The following TENM4 variants were observed in gnomAD, a reference collection of about 807,000 sequenced individuals.
TENM4 encodes teneurin-4.
Under a neutral mutation model 243.3 loss-of-function variants are expected in TENM4, and 82 were observed. The ratio of observed to expected loss-of-function variants is 0.34; its 90% confidence interval spans 0.28 to 0.40. The LOEUF (loss-of-function observed/expected upper bound fraction) is 0.40, where lower values mean the gene tolerates loss of function less well. Ranked by LOEUF, TENM4 falls within the 10% of genes least tolerant of loss-of-function variation. TENM4 has a pLI of 1.00. For synonymous variants in TENM4, 1,412 were observed against 1,456.3 expected, an observed-to-expected ratio of 0.97 and a Z score of 0.69; for missense variants, 3,138 against 3,673.3, an observed-to-expected ratio of 0.85 and a Z score of 3.77.
At position 79,301,289 on chromosome 11, in the gene TENM4, G is replaced by A. The variant is rs75958967; in HGVS notation, c.-320-3746C>T. Among the ~76,000 whole-genome samples, 1,250 of 152,118 alleles carry A rather than the reference G, an allele frequency of 8.2e-3. 20 individuals carry two copies. Among genetic ancestry groups the A allele is most frequent in the African/African-American group, 0.029 (1,194 of 41,482 alleles). ...CCAGAACCTGGCTTCTGTACTGCTC[G>A]GGTATTGCAGATACATCCATCTGCC... On this transcript the variant is annotated intron_variant, in intron 1 of 33. Transcript: ENST00000278550.
rs552650383 is a variant in TENM4 at position 79,342,288 on chromosome 11, T to A, written c.-320-44745A>T. ...TGTGATTGTCAAAGGTAGGTGTGAC[T>A]GCATGGACCGCGATGAGATGAGGAG... On this transcript the variant is annotated intron_variant, in intron 1 of 33. Coordinates refer to ENST00000278550, the MANE Select transcript of TENM4 (RefSeq NM_001098816.3). Among the ~76,000 whole-genome samples, 11 of 152,232 alleles carry A rather than the reference T, an allele frequency of 7.2e-5. No individual in the cohort carries two copies. In the East Asian group the frequency reaches 1.5e-3, roughly 21 times the overall value.
At chr11:79,287,594 C>G (rs1856279136) in intron 2 of TENM4, among the ~76,000 whole-genome samples, 1 of 152,106 alleles carries the variant, frequency 6.6e-6, no homozygotes. Context: ...TATTATACTC[C>G]TGGTTCCCCA....
intron 1 of TENM4, among the ~76,000 whole-genome samples, chr11:79,405,083 A>G (rs1308476763): frequency 6.6e-6 from 1 of 152,142 alleles, no homozygotes. Context: ...TCAGAATTAC[A>G]TTTTTTACAG....
At chr11:79,331,822 G>A (rs900436951) in intron 1 of TENM4, among the ~76,000 whole-genome samples, 1 of 152,328 alleles carries the variant, frequency 6.6e-6, no homozygotes, top group East Asian at 1.9e-4. Flanking sequence ...TTCAGGTGGA[G>A]GCTCCAGACA....
intron 4 of TENM4, among the ~76,000 whole-genome samples, chr11:79,147,485 C>T (rs1488528442): frequency 6.6e-6 from 1 of 152,064 alleles, no homozygotes; most frequent in Non-Finnish European, 1.5e-5. Flanking sequence ...GTTTTAACCT[C>T]ATGAATTTTC....
At chr11:79,393,952 G>A (rs1294329381) in intron 1 of TENM4, among the ~76,000 whole-genome samples, 1 of 152,134 alleles carries the variant, frequency 6.6e-6, no homozygotes, top group Non-Finnish European at 1.5e-5. Flanking sequence ...TGACACTGAA[G>A]GAGGGAGGGG....
At chr11:79,416,410 C>T (rs1018203775) in intron 1 of TENM4, among the ~76,000 whole-genome samples, 5 of 152,276 alleles carry the variant, frequency 3.3e-5, no homozygotes, top group South Asian at 4.1e-4. Flanking sequence ...TTTAGACATT[C>T]GAGTGGGTTT....
intron 32 of TENM4, among the ~76,000 whole-genome samples, chr11:78,663,303 C>T (rs1858075708): frequency 6.6e-6 from 1 of 152,200 alleles, no homozygotes; most frequent in Admixed American, 6.5e-5. Flanking sequence ...AGATAGAACC[C>T]TGATCGCAGA....
At chr11:78,670,932 G>A (rs565376316) in intron 31 of TENM4, among the ~76,000 whole-genome samples, 44 of 152,276 alleles carry the variant, frequency 2.9e-4, no homozygotes, top group African/African-American at 9.9e-4. Context: ...GTGTGAGAAC[G>A]GCCAAGAAGC....
intron 4 of TENM4, among the ~76,000 whole-genome samples, chr11:79,131,516 A>G (rs535934477): frequency 2.0e-4 from 31 of 152,356 alleles, no homozygotes; most frequent in South Asian, 8.3e-4. Flanking sequence ...CACTACAAGA[A>G]CTACTAAAGG....
intron 22 of TENM4, among the ~76,000 whole-genome samples, chr11:78,726,783 C>T (rs905342831): frequency 3.9e-5 from 6 of 152,274 alleles, no homozygotes; most frequent in African/African-American, 1.4e-4. Context: ...TGTCATGAGT[C>T]AAAGCTCCCT....
At chr11:78,994,568 C>G (rs1858125297) in intron 6 of TENM4, among the ~76,000 whole-genome samples, 1 of 152,290 alleles carries the variant, frequency 6.6e-6, no homozygotes, top group South Asian at 2.1e-4. Flanking sequence ...TGCCTTTTAT[C>G]TAAAATCAGA....
At chr11:79,137,052 C>T (rs899448646) in intron 4 of TENM4, among the ~76,000 whole-genome samples, 5 of 152,090 alleles carry the variant, frequency 3.3e-5, no homozygotes, top group African/African-American at 1.2e-4. Flanking sequence ...GTGGAAGTGG[C>T]ACCACTCACC....
intron 1 of TENM4, among the ~76,000 whole-genome samples, chr11:79,298,685 A>G (rs576673766): frequency 4.3e-4 from 65 of 152,256 alleles, no homozygotes; most frequent in Non-Finnish European, 7.2e-4. Flanking sequence ...ATATCTACAG[A>G]TATGATTTCA....
intron 28 of TENM4, among the ~76,000 whole-genome samples, chr11:78,695,772 CT>C (rs57847507): frequency 0.42 from 60,544 of 142,686 alleles, 15,428 homozygotes; most frequent in African/African-American, 0.74. Context: ...TTATAAAATG[CT>C]TTTTTTTTTT....
rs1316406058 is a variant in TENM4 at position 78,674,993 on chromosome 11, G to A, written c.5496+1159C>T. ...CAATTATCCTGCCTCAGCCTCCTGA[G>A]TAGCTAGGATTACTGGTGTCCCCCA... On this transcript the variant is annotated intron_variant, in intron 30 of 33. Transcript: ENST00000278550. Among the ~76,000 whole-genome samples, 4 of 152,108 alleles carry A rather than the reference G, an allele frequency of 2.6e-5. No homozygotes were observed. The East Asian group carries it at 7.7e-4, about 29-fold the overall frequency.
At chr11:79,223,954 G>T (rs754475503) in intron 2 of TENM4, among the ~76,000 whole-genome samples, 35 of 152,202 alleles carry the variant, frequency 2.3e-4, no homozygotes, top group Non-Finnish European at 4.4e-4. Flanking sequence ...ACTGTGGTGT[G>T]AGTTGTGAGC....
chr11:78,666,467 T>C (rs1858162527), intron 32 of TENM4, among the ~76,000 whole-genome samples: 1 of 152,264 alleles, frequency 6.6e-6, no homozygotes, highest in Non-Finnish European at 1.5e-5. Flanking sequence ...TGAAGGTGGG[T>C]ATTATACCTC....
At chr11:78,935,813 AT>A (rs1186995292) in intron 6 of TENM4, among the ~76,000 whole-genome samples, 2 of 152,244 alleles carry the variant, frequency 1.3e-5, no homozygotes, top group Non-Finnish European at 2.9e-5. Flanking sequence ...TGGTTAACTT[AT>A]TTTTAAAATC....
Sources: allele counts gnomAD v4.1 joint callset (sites outside exome capture counted in the v4.1 genomes callset), GRCh38; gene constraint gnomAD v4.1.1; transcripts MANE v1.5; gene names NCBI Gene and HGNC (gene_info 2026-07-23, HGNC 2026-07-21).